EEA1: variants seen among roughly 807,000 people sequenced by gnomAD.
The protein encoded by EEA1 is early endosome antigen 1.
Under a neutral mutation model 209.2 loss-of-function variants are expected in EEA1, and 111 were observed. The ratio of observed to expected loss-of-function variants is 0.53; its 90% CI spans 0.45 to 0.62. EEA1 has a LOEUF of 0.62. EEA1 is among the 20% of genes least tolerant of loss of function. The pLI is 0.00. For missense variants in EEA1, 1,343 were observed against 1,530.8 expected, an observed-to-expected ratio of 0.88 and a Z score of 2.05; for synonymous variants, 536 against 540.6, an observed-to-expected ratio of 0.99 and a Z score of 0.12.
chr12:92,815,735 A>G (rs1592716984), intron 15 of EEA1, among the ~76,000 whole-genome samples: 2 of 152,128 alleles, frequency 1.3e-5, no homozygotes, highest in East Asian at 3.8e-4. Flanking sequence ...CAGAAGTCAG[A>G]CTTTTAAAGG....
chr12:92,857,867 C>G (rs1160355075), intron 3 of EEA1, among the ~76,000 whole-genome samples: 1 of 152,134 alleles, frequency 6.6e-6, no homozygotes, highest in African/African-American at 2.4e-5. Context: ...TAGTCATTGC[C>G]TTATCACTCT....
chr12:92,888,305 G>A (rs1879496644), intron 2 of EEA1, among the ~76,000 whole-genome samples: 2 of 152,166 alleles, frequency 1.3e-5, no homozygotes, highest in Admixed American at 1.3e-4. Context: ...AATAGGCCGG[G>A]CGCAGTGGCT....
intron 1 of EEA1, among the ~76,000 whole-genome samples, chr12:92,923,398 T>C (rs546982709): frequency 3.3e-5 from 5 of 152,018 alleles, no homozygotes; most frequent in African/African-American, 9.6e-5. Context: ...CAGTATAAGG[T>C]CCAAAACCCT....
chr12:92,796,637 G>A (rs945671120), intron 21 of EEA1, among the ~76,000 whole-genome samples: 2 of 151,972 alleles, frequency 1.3e-5, no homozygotes, highest in Non-Finnish European at 2.9e-5. Flanking sequence ...ATTTAAGTGT[G>A]TACACACATA....
chr12:92,882,487 T>C (rs564405171), intron 2 of EEA1, among the ~76,000 whole-genome samples: 2 of 152,200 alleles, frequency 1.3e-5, no homozygotes, highest in East Asian at 3.9e-4. Context: ...TGCATGATGC[T>C]GAGCTTTGGG....
At chr12:92,878,185 G>A (rs904625028) in intron 2 of EEA1, among the ~76,000 whole-genome samples, 1 of 152,188 alleles carries the variant, frequency 6.6e-6, no homozygotes, top group African/African-American at 2.4e-5. Flanking sequence ...AGGATTGCTT[G>A]AAGCCAGGAG....
chr12:92,880,312 T>C (rs1010946785), intron 2 of EEA1, among the ~76,000 whole-genome samples: 8 of 152,196 alleles, frequency 5.3e-5, no homozygotes, highest in African/African-American at 1.4e-4. Flanking sequence ...CCAATGTTTT[T>C]GTTTTTTTTT....
chr12:92,775,852 T>G lies in EEA1; in HGVS notation c.*159A>C. 1 of 616,762 alleles carries G rather than the reference T, an allele frequency of 1.6e-6. No individual in the cohort carries two copies. The highest frequency in any genetic ancestry group is 2.4e-6 in the Non-Finnish European group (1 of 416,844). 38.2% of individuals were successfully genotyped at this position (616,762 alleles called of 1,614,324 possible). On this transcript the variant is annotated 3_prime_UTR_variant, in exon 29 of 29. Coordinates refer to ENST00000322349, the MANE Select transcript of EEA1 (RefSeq NM_003566.4). ...CCCAAGTCTCACAAAAATAGAAGAG[T>G]TTTACTTGATATCCATAACATTCCA...
chr12:92,816,815 AAG>A (rs1449709855), intron 14 of EEA1, among the ~76,000 whole-genome samples: 461 of 147,002 alleles, frequency 3.1e-3, no homozygotes, highest in African/African-American at 0.012. Flanking sequence ...TGATTTGGTT[AAG>A]TAATAAGTTT....
Position 92,801,601 on chromosome 12 carries a change from T to C in EEA1, c.2771A>G (p.Glu924Gly), listed in dbSNP as rs1486711437. 2.5e-6 allele frequency: 4 copies of C among 1,577,624 alleles called. No homozygotes were observed. Among genetic ancestry groups the C allele is most frequent in the Non-Finnish European group, 3.4e-6 (4 of 1,166,388 alleles). ...TATGTTACAAAAAAAAAATCTTACC[T>C]CCTTCTCTTTTTCAAGTGACTTTTT... ...ELKKSLEKEK[E>G]ASHQLKLELN... The change falls in exon 20 of 29, where the codon GAG becomes GGG. Residue 924 changes from glutamate (E) to glycine (G), a missense_variant and splice_region_variant. By Grantham distance (98) the Glu-to-Gly change is moderately conservative. Around this residue, in one of 3 missense-constraint regions of EEA1, gnomAD observed 1,307 missense variants for 1,465.5 expected, o/e 0.89. Coordinates refer to ENST00000322349, the MANE Select transcript of EEA1 (RefSeq NM_003566.4).
chr12:92,820,447 CCT>C (rs1156972826), intron 13 of EEA1, among the ~76,000 whole-genome samples: 5 of 152,116 alleles, frequency 3.3e-5, no homozygotes, highest in Non-Finnish European at 4.4e-5. Context: ...GGCAACCAAA[CCT>C]CTCTGCCTCT....
chr12:92,882,055 T>C (rs905686060), intron 2 of EEA1, among the ~76,000 whole-genome samples: 9 of 152,144 alleles, frequency 5.9e-5, no homozygotes, highest in Non-Finnish European at 1.0e-4. Context: ...CTCTTTGTTA[T>C]GACGATTTTC....
intron 2 of EEA1, among the ~76,000 whole-genome samples, chr12:92,885,913 C>T (rs79315636): frequency 0.063 from 9,514 of 152,046 alleles, 374 homozygotes; most frequent in Non-Finnish European, 0.091. Context: ...CGACATAGCC[C>T]ACAAAGAGTT....
At chr12:92,865,851 A>AT (rs1878363968) in intron 2 of EEA1, among the ~76,000 whole-genome samples, 1 of 150,902 alleles carries the variant, frequency 6.6e-6, no homozygotes, top group African/African-American at 2.4e-5. Flanking sequence ...GGTTCAAGCG[A>AT]TTTTCCCTGC....
intron 3 of EEA1, among the ~76,000 whole-genome samples, chr12:92,864,050 A>T (rs1235944767): frequency 6.6e-6 from 1 of 152,222 alleles, no homozygotes; most frequent in Non-Finnish European, 1.5e-5. Flanking sequence ...ATTAGCAGTC[A>T]TATTAAAAAG....
intron 12 of EEA1, 131 bp downstream of exon 12, chr12:92,827,781 G>T: frequency 1.1e-6 from 1 of 885,398 alleles, no homozygotes; most frequent in Non-Finnish European, 1.6e-6. Flanking sequence ...TAAGCAAGAT[G>T]TTGCTATTGG....
At chr12:92,913,032 G>T (rs1490806613) in intron 1 of EEA1, among the ~76,000 whole-genome samples, 1 of 152,196 alleles carries the variant, frequency 6.6e-6, no homozygotes, top group Non-Finnish European at 1.5e-5. Context: ...TTTATACAGT[G>T]ATTTGTTTTC....
chr12:92,919,954 A>C, intron 1 of EEA1, among the ~76,000 whole-genome samples: 1 of 82,882 alleles, frequency 1.2e-5, no homozygotes. Context: ...ACACCAACAA[A>C]AGACAAACAG....
intron 11 of EEA1, among the ~76,000 whole-genome samples, chr12:92,831,208 A>G (rs1876610798): frequency 6.6e-6 from 1 of 152,102 alleles, no homozygotes; most frequent in African/African-American, 2.4e-5. Flanking sequence ...TTAGAAAAAC[A>G]GCTGAACATT....
Sources: gnomAD v4.1 joint callset for allele counts (sites outside exome capture counted in the v4.1 genomes callset) on GRCh38, gnomAD v4.1.1 for gene constraint, gnomAD v4.1.1 regional missense constraint, MANE v1.5 for transcripts, NCBI Gene and HGNC (gene_info 2026-07-23, HGNC 2026-07-21) for gene names.